SLC29A4: variants seen among roughly 807,000 people sequenced by gnomAD.
The protein encoded by SLC29A4 is solute carrier family 29 member 4, also known as equilibrative nucleoside transporter 4.
SLC29A4 carries 36 observed loss-of-function variants against 43.9 expected under a neutral mutation model. The observed-to-expected ratio is 0.82, with a 90% CI of 0.63 to 1.08. The LOEUF (loss-of-function observed/expected upper bound fraction) is 1.08. Among genes scored for constraint, SLC29A4 ranks in the 50% least tolerant of loss-of-function variants. SLC29A4 has a pLI of 0.00. For missense variants in SLC29A4, 869 were observed against 755.3 expected (o/e 1.15, Z -1.77); for synonymous variants, 491 against 338.0 (o/e 1.45, Z -4.97).
Position 5,288,583 on chromosome 7 carries a change from C to T in SLC29A4, c.169+598C>T, listed in dbSNP as rs116858447. ...CTAGGATTACAGGCTTGAGCCACCG[C>T]GCCCGTCCGCTGACCCATAAAGCTT... is the stretch of plus-strand genomic sequence containing the variant. On this transcript the variant is annotated intron_variant, in intron 2 of 10. Transcript: ENST00000396872. Among the ~76,000 whole-genome samples the T allele has an allele frequency of 5.2e-3, 785 of 152,122 alleles. 3 individuals are homozygous for T. The highest frequency in any genetic ancestry group is 9.0e-3 in the Non-Finnish European group (615 of 68,018).
At chr7:5,284,844 G>A (rs959064169) in intron 1 of SLC29A4, among the ~76,000 whole-genome samples, 5 of 152,224 alleles carry the variant, frequency 3.3e-5, no homozygotes, top group African/African-American at 1.2e-4. Flanking sequence ...TGCCAAGCAC[G>A]TCCGCCTTCC....
intron 1 of SLC29A4, among the ~76,000 whole-genome samples, chr7:5,283,527 C>T (rs1243882647): frequency 6.6e-6 from 1 of 152,152 alleles, no homozygotes; most frequent in African/African-American, 2.4e-5. Flanking sequence ...CGCAGGTCCG[C>T]GAGCCAACTT....
chr7:5,297,429 G>C (rs1203181590), intron 7 of SLC29A4, among the ~76,000 whole-genome samples: 1 of 152,230 alleles, frequency 6.6e-6, no homozygotes, highest in East Asian at 1.9e-4. Context: ...ACCCGCATCT[G>C]TGGTCCGGGG....
At chr7:5,295,218 T>C (rs1785568396) in intron 6 of SLC29A4, among the ~76,000 whole-genome samples, 1 of 152,128 alleles carries the variant, frequency 6.6e-6, no homozygotes, top group Non-Finnish European at 1.5e-5. Context: ...TCTGAGCATG[T>C]GGCTGGGTGT....
In SLC29A4 at chr7:5,300,542, C is replaced by G; in HGVS notation, c.1330C>G (p.Arg444Gly). 1 of 1,612,372 alleles carries G rather than the reference C, an allele frequency of 6.2e-7. No individual in the cohort carries two copies. Among genetic ancestry groups the G allele is most frequent in the Admixed American group, 1.7e-5 (1 of 60,020 alleles). Residue 444 changes from arginine (R) to glycine (G), a missense_variant, in exon 10 of 11, where the codon CGT (arginine) becomes GGT (glycine). Physicochemically the swap from Arg to Gly is moderately radical, Grantham distance 125. Transcript: ENST00000396872. ...CVYPSGMPALRHPAWPCIFSL... is the reference protein window; with the variant it reads ...CVYPSGMPALGHPAWPCIFSL... ...CTACCCCAGCGGCATGCCCGCCCTC[C>G]GTCACCCCGCCTGGCCCTGCATCTT... is the stretch of plus-strand genomic sequence containing the variant.
rs749338311 is a variant in SLC29A4, at chr7:5,299,044, C to T, written c.939C>T (p.His313=). 4.7e-5 allele frequency: 76 copies of T among 1,612,104 alleles called. No homozygotes were observed. Among genetic ancestry groups the T allele is most frequent in the South Asian group, 2.0e-4 (18 of 91,050 alleles). ...AGTCCCCAAAGGACAGCCCAGCCCA[C>T]GAGGTGACCGGCAGCGGCGGGGCCT... ...PNESPKDSPA[H]EVTGSGGAYM... is the part of the protein sequence containing the mutation. The change falls in exon 8 of 11, where the codon CAC becomes CAT. Residue 313 remains histidine, a synonymous_variant. Transcript: ENST00000396872.
Position 5,300,605 on chromosome 7 carries a change from A to G in SLC29A4, c.1393A>G (p.Ser465Gly), listed in dbSNP as rs1372711026. 2 of 1,610,954 alleles carry G rather than the reference A, an allele frequency of 1.2e-6. No individual in the cohort carries two copies. The highest frequency in any genetic ancestry group is 1.7e-6 in the Non-Finnish European group (2 of 1,178,892). The part of the protein sequence containing the change: ...LMGISNGYFG[S>G]VPMILAAGKV... ...GGGCATCAGCAACGGCTACTTCGGCAGCGTGCCCATGATCCTGGCGGCAGG... is the reference window on the plus strand; with the variant it reads ...GGGCATCAGCAACGGCTACTTCGGCGGCGTGCCCATGATCCTGGCGGCAGG... Residue 465 changes from serine to glycine, a missense_variant, in exon 10 of 11, where the codon AGC becomes GGC. By Grantham distance (56) the Ser-to-Gly change is moderately conservative. Transcript: ENST00000396872.
chr7:5,295,394 T>G (rs1292576145), intron 6 of SLC29A4, among the ~76,000 whole-genome samples: 1 of 152,148 alleles, frequency 6.6e-6, no homozygotes, highest in Non-Finnish European at 1.5e-5. Flanking sequence ...CACGGGCTTC[T>G]CAAACTCACG....
rs749700307 is a variant in SLC29A4 at position 5,302,947 on chromosome 7, C to A, written c.*8C>A. 2.5e-6 allele frequency: 4 copies of A among 1,603,684 alleles called. No individual in the cohort carries two copies. The highest frequency in any genetic ancestry group is 1.7e-5 in the Admixed American group (1 of 59,114). On this transcript the variant is annotated 3_prime_UTR_variant, in exon 11 of 11. Coordinates refer to ENST00000396872, the MANE Select transcript of SLC29A4 (RefSeq NM_153247.4). ...ATCCTCGCAGGCCTCTGAGCCAGCC[C>A]CGCCCACTGCCAGGGACGCCGAGGG...
chr7:5,289,059 C>G (rs73332831), intron 2 of SLC29A4, among the ~76,000 whole-genome samples: 2,738 of 152,288 alleles, frequency 0.018, 96 homozygotes, highest in African/African-American at 0.063. Flanking sequence ...AGCTATAGTT[C>G]TTTTCTGGAG....
chr7:5,290,305 C>T (rs531344329), intron 2 of SLC29A4, among the ~76,000 whole-genome samples: 6 of 152,144 alleles, frequency 3.9e-5, no homozygotes, highest in East Asian at 1.9e-4. Flanking sequence ...CCTCGTGATC[C>T]GCCCGTCTTG....
chr7:5,293,055 C>G (rs960275141), intron 5 of SLC29A4, among the ~76,000 whole-genome samples: 1 of 151,254 alleles, frequency 6.6e-6, no homozygotes, highest in African/African-American at 2.4e-5. Context: ...TCTCTAGATT[C>G]ATACCTTTCC....
Position 5,297,082 on chromosome 7 carries a change from C to A in SLC29A4, c.766C>A (p.Arg256Ser). 6.2e-7 allele frequency: 1 copy of A among 1,607,912 alleles called. No homozygotes were observed. ...FLLHLLVRRS[R>S]FVLFYTTRPR... ...GCTGCACCTGTTAGTGCGGCGCAGCCGCTTCGTGCTCTTCTATACCACACG... is the reference window on the plus strand; with the variant it reads ...GCTGCACCTGTTAGTGCGGCGCAGCAGCTTCGTGCTCTTCTATACCACACG... Residue 256 changes from arginine to serine, a missense_variant, in exon 7 of 11, where the codon CGC becomes AGC. Arg to Ser is a moderately radical substitution (Grantham distance 110, BLOSUM62 -1). Coordinates refer to ENST00000396872, the MANE Select transcript of SLC29A4 (RefSeq NM_153247.4).
chr7:5,299,451 G>A (rs992220565), intron 9 of SLC29A4, 24 bp downstream of exon 9: 1 of 1,599,596 alleles, frequency 6.3e-7, no homozygotes, highest in African/African-American at 1.3e-5. Context: ...CCTGCCCGGT[G>A]TCGGGGGACG....
At chr7:5,301,709 T>C (rs4720572) in intron 10 of SLC29A4, among the ~76,000 whole-genome samples, 44,038 of 151,860 alleles carry the variant, frequency 0.29, 6,675 homozygotes, top group Non-Finnish European at 0.33. Flanking sequence ...TTCCAGGTCT[T>C]GTTTGGACGG....
chr7:5,297,282 G>A (rs1785774660), intron 7 of SLC29A4, 84 bp downstream of exon 7: 10 of 1,403,742 alleles, frequency 7.1e-6, no homozygotes, highest in Non-Finnish European at 9.4e-6. Context: ...CTGGGGCCCA[G>A]CCTCTCACCT....
intron 9 of SLC29A4, among the ~76,000 whole-genome samples, chr7:5,300,128 A>T (rs1370612637): frequency 1.3e-5 from 2 of 152,098 alleles, no homozygotes; most frequent in Non-Finnish European, 2.9e-5. Context: ...GCTAGTCGGG[A>T]GGCTGAGGTG....
intron 2 of SLC29A4, among the ~76,000 whole-genome samples, chr7:5,290,384 A>G (rs1483725699): frequency 1.3e-5 from 2 of 151,930 alleles, no homozygotes; most frequent in African/African-American, 2.4e-5. Flanking sequence ...TTTAGTAGAG[A>G]TGGGGTTTCA....
At chr7:5,302,740 CGTGGCCACCAG>C in intron 10 of SLC29A4, 46 bp from the exon 11 acceptor site, 1 of 1,511,686 alleles carries the variant, frequency 6.6e-7, no homozygotes, top group Admixed American at 2.1e-5. Flanking sequence ...CCCGAGCAGC[CGTGGCCACCAG>C]GTGGCCGCCC....
Sources: gnomAD v4.1 joint callset for allele counts (sites outside exome capture counted in the v4.1 genomes callset) on GRCh38, gnomAD v4.1.1 for gene constraint, MANE v1.5 for transcripts, NCBI Gene and HGNC (gene_info 2026-07-23, HGNC 2026-07-21) for gene names.